The following CCDC102B variants were observed in gnomAD, a reference collection of about 807,000 sequenced individuals.
CCDC102B encodes coiled-coil domain-containing protein 102B.
Under a neutral mutation model 57.4 loss-of-function variants are expected in CCDC102B, and 75 were observed. The ratio of observed to expected loss-of-function variants is 1.31; its 90% CI spans 1.08 to 1.58. The LOEUF is 1.58. Ranked by LOEUF, CCDC102B falls within the 40% of genes most tolerant of loss-of-function variation. The probability of loss-of-function intolerance (pLI) is 0.00; values close to 1 mark genes in which losing one functional copy is unlikely to be tolerated. For missense variants in CCDC102B, 636 were observed against 582.6 expected (o/e 1.09, Z -0.94); for synonymous variants, 206 against 201.9 (o/e 1.02, Z -0.17).
At chr18:68,818,529 C>T (rs1026868477) in intron 1 of CCDC102B, among the ~76,000 whole-genome samples, 2 of 152,140 alleles carry the variant, frequency 1.3e-5, no homozygotes, top group Admixed American at 6.5e-5. Context: ...TTCTTCATGC[C>T]TTCCTCCTGT....
At chr18:68,902,051 A>G (rs1599660440) in intron 6 of CCDC102B, 2 of 152,340 alleles carry the variant, frequency 1.3e-5, no homozygotes, top group South Asian at 2.1e-4. Flanking sequence ...TGCACTTTGA[A>G]TAGCAAGCAC....
chr18:68,793,114 T>C (rs955640778), upstream of CCDC102B, among the ~76,000 whole-genome samples: 1 of 152,216 alleles, frequency 6.6e-6, no homozygotes, highest in Non-Finnish European at 1.5e-5. Context: ...ACACCACAGC[T>C]GTACTCTGTG....
intron 7 of CCDC102B, among the ~76,000 whole-genome samples, chr18:69,020,110 A>G (rs1045477218): frequency 1.3e-5 from 2 of 152,070 alleles, no homozygotes; most frequent in African/African-American, 2.4e-5. Context: ...ATATGCTTCT[A>G]TAAATAAGAG....
chr18:68,847,481 T>C (rs1375790008), intron 4 of CCDC102B, among the ~76,000 whole-genome samples: 1 of 151,904 alleles, frequency 6.6e-6, no homozygotes, highest in Non-Finnish European at 1.5e-5. Flanking sequence ...CTTGTTAATC[T>C]TCCTCTTAGT....
intron 1 of CCDC102B, among the ~76,000 whole-genome samples, chr18:68,822,812 C>A (rs1015491104): frequency 6.6e-6 from 1 of 152,184 alleles, no homozygotes; most frequent in Non-Finnish European, 1.5e-5. Context: ...ATATTTCATT[C>A]TTTCTATGGC....
intron 2 of CCDC102B, among the ~76,000 whole-genome samples, chr18:68,765,644 T>A (rs1351139099): frequency 1.3e-5 from 2 of 152,152 alleles, no homozygotes; most frequent in Non-Finnish European, 2.9e-5. Flanking sequence ...ATTATATACA[T>A]CAGTAACATT....
intron 6 of CCDC102B, among the ~76,000 whole-genome samples, chr18:68,966,110 C>T (rs192626580): frequency 6.6e-6 from 1 of 152,260 alleles, no homozygotes; most frequent in East Asian, 1.9e-4. Context: ...GATATTCGCC[C>T]ATAGCTCTCA....
intron 2 of CCDC102B, chr18:68,718,111 A>C (rs1490895486): frequency 1.3e-5 from 2 of 152,286 alleles, no homozygotes; most frequent in Non-Finnish European, 2.9e-5. Context: ...AACTTTAAGA[A>C]ATAAATTTTT....
rs1465762424 is a variant in CCDC102B, at chr18:68,751,879, A to AT, written c.-67+35287dup. Among the ~76,000 whole-genome samples the AT allele has an allele frequency of 5.3e-5, 8 of 152,302 alleles. No homozygotes were observed. The East Asian group carries it at 1.5e-3, about 29-fold the overall frequency. ...GATTAAAGAAACTCAAAGCAGAATA[A>AT]TTGAAAAGAAACCCATTTCTTGATG... On this transcript the variant is annotated intron_variant, in intron 2 of 3. Transcript: ENST00000578970.
intron 6 of CCDC102B, among the ~76,000 whole-genome samples, chr18:68,979,857 T>G (rs1171176846): frequency 6.6e-6 from 1 of 152,032 alleles, no homozygotes; most frequent in East Asian, 1.9e-4. Context: ...AAAAAGTCAT[T>G]TTCTGAGCTC....
intron 7 of CCDC102B, among the ~76,000 whole-genome samples, chr18:69,012,996 T>C (rs1418731907): frequency 6.6e-6 from 1 of 152,084 alleles, no homozygotes; most frequent in East Asian, 1.9e-4. Flanking sequence ...ACTATTATTT[T>C]ATCTAGCAAT....
chr18:68,949,546 T>C (rs1302592415), intron 6 of CCDC102B, among the ~76,000 whole-genome samples: 1 of 152,044 alleles, frequency 6.6e-6, no homozygotes, highest in Admixed American at 6.6e-5. Flanking sequence ...ATCCCTCAGG[T>C]GAATATTTAG....
chr18:68,932,560 C>G (rs1370183637), intron 6 of CCDC102B, among the ~76,000 whole-genome samples: 1 of 151,886 alleles, frequency 6.6e-6, no homozygotes, highest in African/African-American at 2.4e-5. Context: ...TTAACATTCA[C>G]TCCCTTTTTC....
intron 2 of CCDC102B, among the ~76,000 whole-genome samples, chr18:68,763,215 A>G (rs1189351753): frequency 6.6e-6 from 1 of 152,078 alleles, no homozygotes; most frequent in Non-Finnish European, 1.5e-5. Context: ...TTTTAAATGA[A>G]TCATCTCCCT....
At chr18:68,729,226 T>C (rs1269131121) in intron 2 of CCDC102B, among the ~76,000 whole-genome samples, 1 of 152,108 alleles carries the variant, frequency 6.6e-6, no homozygotes, top group Non-Finnish European at 1.5e-5. Context: ...AATGGAGAGA[T>C]AAAGCACTGC....
intron 6 of CCDC102B, among the ~76,000 whole-genome samples, chr18:68,949,624 A>G (rs573974117): frequency 6.6e-6 from 1 of 152,220 alleles, no homozygotes; most frequent in African/African-American, 2.4e-5. Flanking sequence ...TGCCTCTGCT[A>G]TAATGAATGA....
intron 2 of CCDC102B, among the ~76,000 whole-genome samples, chr18:68,736,508 A>G (rs900724864): frequency 6.6e-6 from 1 of 152,230 alleles, no homozygotes; most frequent in Non-Finnish European, 1.5e-5. Flanking sequence ...ACATCTTTAT[A>G]TCATTGTGTT....
At chr18:69,052,067 A>G (rs1392544134) in intron 7 of CCDC102B, among the ~76,000 whole-genome samples, 5 of 151,692 alleles carry the variant, frequency 3.3e-5, no homozygotes, top group Non-Finnish European at 7.4e-5. Flanking sequence ...AAAAAAAATG[A>G]TAAACCTGCC....
chr18:68,806,701 T>C (rs2036045467), intron 1 of CCDC102B, among the ~76,000 whole-genome samples: 1 of 152,168 alleles, frequency 6.6e-6, no homozygotes, highest in South Asian at 2.1e-4. Context: ...ATTTGCAATT[T>C]AAAGTAGCTA....
Sources: allele counts gnomAD v4.1 joint callset (sites outside exome capture counted in the v4.1 genomes callset), GRCh38; gene constraint gnomAD v4.1.1; transcripts MANE v1.5; gene names NCBI Gene and HGNC (gene_info 2026-07-23, HGNC 2026-07-21).